The following UGT1A5 variants were observed in gnomAD, a reference collection of about 807,000 sequenced individuals.
The protein encoded by UGT1A5 is UDP-glucuronosyltransferase 1A5.
In UGT1A5, 29 loss-of-function variants were observed where a neutral mutation model predicts 40.3. That is an observed-to-expected ratio of 0.72 (90% CI 0.54 to 0.98). UGT1A5 has a LOEUF of 0.98. UGT1A5 is among the 50% of genes least tolerant of loss of function. The pLI is 0.00. For missense variants in UGT1A5, 678 were observed against 677.9 expected, an observed-to-expected ratio of 1.00 and a Z score of 0.00; for synonymous variants, 257 against 262.5, an observed-to-expected ratio of 0.98 and a Z score of 0.20.
At chr2:233,748,842 G>A (rs562838283) in intron 1 of UGT1A5, among the ~76,000 whole-genome samples, 4 of 151,506 alleles carry the variant, frequency 2.6e-5, no homozygotes, top group South Asian at 2.1e-4. Context: ...ATAAAACTGT[G>A]AGCGTATAAG....
intron 1 of UGT1A5, among the ~76,000 whole-genome samples, chr2:233,753,894 C>T (rs2125923149): frequency 6.6e-6 from 1 of 152,316 alleles, no homozygotes; most frequent in African/African-American, 2.4e-5. Flanking sequence ...TCAGAAGGAA[C>T]ATGCTTCTTA....
At chr2:233,721,302 G>C (rs541150498) in intron 1 of UGT1A5, among the ~76,000 whole-genome samples, 2 of 152,116 alleles carry the variant, frequency 1.3e-5, no homozygotes, top group African/African-American at 4.8e-5. Context: ...CATTTGAATA[G>C]TGATTGTGGC....
rs1219842752 is a variant in UGT1A5 at position 233,713,152 on chromosome 2, G to A, written c.161G>A (p.Arg54Lys). Residue 54 changes from arginine (R) to lysine (K), a missense_variant, in exon 1 of 5, where the codon AGA becomes AAA. Transcript: ENST00000373414. ...MREALRDLHA[R>K]GHQVVVLTLE... ...GAGGCCTTGCGGGACCTCCATGCGAGAGGCCACCAGGTGGTGGTCCTCACC... is the reference window on the plus strand; with the variant it reads ...GAGGCCTTGCGGGACCTCCATGCGAAAGGCCACCAGGTGGTGGTCCTCACC... 6.2e-7 allele frequency: 1 copy of A among 1,614,236 alleles called. No individual in the cohort carries two copies. Among genetic ancestry groups the A allele is most frequent in the Non-Finnish European group, 8.5e-7 (1 of 1,180,040 alleles).
chr2:233,760,276 A>C (rs1040602725), intron 1 of UGT1A5: 1 of 1,612,488 alleles, frequency 6.2e-7, no homozygotes, highest in Non-Finnish European at 8.5e-7. Flanking sequence ...CTCTGGCAGG[A>C]GCAAAGGCGC....
chr2:233,735,469 G>T (rs1476007711), intron 1 of UGT1A5, among the ~76,000 whole-genome samples: 1 of 152,020 alleles, frequency 6.6e-6, no homozygotes, highest in African/African-American at 2.4e-5. Context: ...TATCCAATTT[G>T]CCAGTCTGTG....
chr2:233,766,278 C>T (rs4663334), intron 1 of UGT1A5, among the ~76,000 whole-genome samples: 20,562 of 116,134 alleles, frequency 0.18, 1,583 homozygotes, highest in African/African-American at 0.25. Flanking sequence ...CTCGGTGGCC[C>T]GGGCTCGGTG....
chr2:233,759,624 A>G (rs1433114385), intron 1 of UGT1A5, among the ~76,000 whole-genome samples: 1 of 80,994 alleles, frequency 1.2e-5, no homozygotes, highest in Non-Finnish European at 2.2e-5. Context: ...CCACCTGTTC[A>G]TTTCCTTCTT....
At chr2:233,747,688 C>T in intron 1 of UGT1A5, 2 of 1,609,342 alleles carry the variant, frequency 1.2e-6, no homozygotes, top group South Asian at 2.2e-5. Context: ...CTCTGTGGGG[C>T]AGTGCTGGCT....
chr2:233,743,885 G>C (rs1351631369), intron 1 of UGT1A5: 1 of 1,366,928 alleles, frequency 7.3e-7, no homozygotes, highest in Non-Finnish European at 9.8e-7. Context: ...GGCCTGCCGG[G>C]GCACGTCCAG....
At chr2:233,740,774 A>AAAG (rs1357611508) in intron 1 of UGT1A5, 1 of 151,862 alleles carries the variant, frequency 6.6e-6, no homozygotes, top group African/African-American at 2.4e-5. Flanking sequence ...CCGTTGTATA[A>AAAG]AAGATGAATA....
chr2:233,726,371 C>T (rs1294856696), intron 1 of UGT1A5, among the ~76,000 whole-genome samples: 5 of 152,074 alleles, frequency 3.3e-5, no homozygotes, highest in Non-Finnish European at 2.9e-5. Context: ...ACAACAAAAA[C>T]CAAAATTGCT....
intron 1 of UGT1A5, chr2:233,719,505 G>A: frequency 6.2e-7 from 1 of 1,613,876 alleles, no homozygotes; most frequent in Non-Finnish European, 8.5e-7. Context: ...TACTTTTTCT[G>A]CCCCTTATGC....
At chr2:233,729,965 A>T (rs149856651) in intron 1 of UGT1A5, 3 of 1,613,950 alleles carry the variant, frequency 1.9e-6, no homozygotes, top group Non-Finnish European at 2.5e-6. Context: ...GGGGGCATCA[A>T]CTGTGCCAAC....
chr2:233,730,006 G>A (rs1262951640), intron 1 of UGT1A5: 11 of 1,613,746 alleles, frequency 6.8e-6, no homozygotes, highest in Non-Finnish European at 9.3e-6. Context: ...CTGTATTGGT[G>A]CCTTCATCCA....
At chr2:233,744,167 C>T (rs571958396) in intron 1 of UGT1A5, among the ~76,000 whole-genome samples, 8 of 151,954 alleles carry the variant, frequency 5.3e-5, no homozygotes, top group South Asian at 4.1e-4. Flanking sequence ...CCGCCCACTC[C>T]GGCCTCCAAC....
chr2:233,771,982 G>T (rs1700430504), intron 4 of UGT1A5, among the ~76,000 whole-genome samples: 2 of 152,206 alleles, frequency 1.3e-5, no homozygotes, highest in South Asian at 4.1e-4. Context: ...AGACATAGTG[G>T]TGCATGACTA....
rs4148324 is a variant in UGT1A5 at position 233,764,076 on chromosome 2, T to G, written c.868-2958T>G. ...GAAATGCATTTGGGAAGGGAAAATC[T>G]AATTAAAAGCCTAAACTAAAAATAC... On this transcript the variant is annotated intron_variant, in intron 1 of 4. Transcript: ENST00000373414. Among the ~76,000 whole-genome samples, 54,742 of 151,994 alleles carry G rather than the reference T, an allele frequency of 0.36. 10,244 individuals carry two copies. Among genetic ancestry groups the G allele is most frequent in the African/African-American group, 0.44 (18,411 of 41,456 alleles).
intron 1 of UGT1A5, among the ~76,000 whole-genome samples, chr2:233,738,562 T>C (rs1039423006): frequency 6.6e-6 from 1 of 152,186 alleles, no homozygotes; most frequent in African/African-American, 2.4e-5. Context: ...AGATGAGGAA[T>C]CTGTTGAGAA....
intron 1 of UGT1A5, among the ~76,000 whole-genome samples, chr2:233,756,539 T>G (rs1346299785): frequency 6.6e-6 from 1 of 152,226 alleles, no homozygotes; most frequent in Non-Finnish European, 1.5e-5. Context: ...TTTTCTTGAC[T>G]GCTAAAACAA....
Sources: gnomAD v4.1 joint callset for allele counts (sites outside exome capture counted in the v4.1 genomes callset) on GRCh38, gnomAD v4.1.1 for gene constraint, MANE v1.5 for transcripts, NCBI Gene and HGNC (gene_info 2026-07-23, HGNC 2026-07-21) for gene names.